The following SLC25A42 variants were observed in gnomAD, a reference collection of about 807,000 sequenced individuals.
SLC25A42 encodes the protein solute carrier family 25 member 42.
In SLC25A42, 19 loss-of-function variants were observed where a neutral mutation model predicts 34.7. The ratio of observed to expected loss-of-function variants is 0.55; its 90% CI spans 0.38 to 0.80. The LOEUF (loss-of-function observed/expected upper bound fraction) is 0.80, where lower values mean the gene tolerates loss of function less well. SLC25A42 is among the 30% of genes least tolerant of loss of function. The pLI is 0.00. For synonymous variants in SLC25A42, 205 were observed against 191.2 expected, an observed-to-expected ratio of 1.07 and a Z score of -0.59; for missense variants, 364 against 441.3, an observed-to-expected ratio of 0.82 and a Z score of 1.57.
chr19:19,086,946 T>C (rs1042386315), intron 1 of SLC25A42, among the ~76,000 whole-genome samples: 1 of 152,076 alleles, frequency 6.6e-6, no homozygotes, highest in Non-Finnish European at 1.5e-5. Flanking sequence ...AATATAAAAA[T>C]CATCCCATAT....
At chr19:19,110,344 C>CA (rs200137190) in intron 7 of SLC25A42, among the ~76,000 whole-genome samples, 10 of 150,440 alleles carry the variant, frequency 6.6e-5, no homozygotes, top group African/African-American at 1.7e-4. Flanking sequence ...ATTACATCTC[C>CA]AAAAAAAAAA....
chr19:19,090,319 T>C (rs78908522), intron 1 of SLC25A42, among the ~76,000 whole-genome samples: 2,927 of 152,202 alleles, frequency 0.019, 86 homozygotes, highest in African/African-American at 0.067. Flanking sequence ...AAAATATCTT[T>C]TTCTCACTCA....
intron 2 of SLC25A42, among the ~76,000 whole-genome samples, chr19:19,100,267 G>A (rs1240010808): frequency 3.3e-5 from 5 of 151,970 alleles, no homozygotes; most frequent in Non-Finnish European, 7.4e-5. Flanking sequence ...GCTTGAACCC[G>A]AGAGGCAAAG....
At chr19:19,101,621 C>G (rs1316197125) in intron 2 of SLC25A42, among the ~76,000 whole-genome samples, 160 bp from the exon 3 acceptor site, 1 of 152,172 alleles carries the variant, frequency 6.6e-6, no homozygotes, top group Non-Finnish European at 1.5e-5. Flanking sequence ...GCCTGTGGAC[C>G]CACCACAGAT....
chr19:19,080,709 G>A (rs1265251021), intron 1 of SLC25A42, among the ~76,000 whole-genome samples: 1 of 151,940 alleles, frequency 6.6e-6, no homozygotes, highest in Non-Finnish European at 1.5e-5. Flanking sequence ...GATTGCATGA[G>A]CTTAGTTTGA....
chr19:19,101,739 G>A (rs891174681), intron 2 of SLC25A42, 42 bp from the exon 3 acceptor site: 4 of 1,557,622 alleles, frequency 2.6e-6, no homozygotes, highest in Admixed American at 1.8e-5. Context: ...CTGCGGAGCC[G>A]CCCCCCTGCC....
At chr19:19,095,448 T>C (rs1016036167) in intron 1 of SLC25A42, among the ~76,000 whole-genome samples, 10 of 151,976 alleles carry the variant, frequency 6.6e-5, no homozygotes, top group Admixed American at 2.6e-4. Flanking sequence ...ACCCCATCTC[T>C]ACTAAAAATA....
chr19:19,082,294 C>T (rs899928329), intron 1 of SLC25A42, among the ~76,000 whole-genome samples: 1 of 152,196 alleles, frequency 6.6e-6, no homozygotes, highest in Non-Finnish European at 1.5e-5. Context: ...CCCCCAGGGC[C>T]TCTCCCTCCA....
rs1491541970 is a variant in SLC25A42, at chr19:19,080,922, TTA to T, written c.-34-15168_-34-15167del. On this transcript the variant is annotated intron_variant, in intron 1 of 7. Coordinates refer to ENST00000318596, the MANE Select transcript of SLC25A42 (RefSeq NM_178526.5). The stretch of plus-strand genomic sequence containing the variant: ...GCAACAGAGAGAGACCCTATAAAAT[TTA>T]AAAAAAAAAAAAAAAAAGAGGGAGG... 9.3e-5 allele frequency among the ~76,000 whole-genome samples: 12 copies of T among 128,418 alleles called. 1 individual carries two copies. The highest frequency in any genetic ancestry group is 1.5e-4 in the African/African-American group (5 of 33,708). 84.2% of individuals were successfully genotyped at this position (128,418 alleles called of 152,430 possible). A position where few individuals can be genotyped will look rare whatever the true frequency, so the allele number is the denominator to read the frequency against.
Position 19,105,558 on chromosome 19 carries a change from C to G in SLC25A42, c.214-3C>G. On this transcript the variant is annotated splice_polypyrimidine_tract_variant and splice_region_variant and intron_variant, in intron 4 of 7. Coordinates refer to ENST00000318596, the MANE Select transcript of SLC25A42 (RefSeq NM_178526.5). ...GGATGTTGACCTTCCCGCTTATCTC[C>G]AGGAGGCCTTCCGGGTCCTCTACTA... 1 of 1,610,170 alleles carries G rather than the reference C, an allele frequency of 6.2e-7. No individual in the cohort carries two copies. Among genetic ancestry groups the G allele is most frequent in the Non-Finnish European group, 8.5e-7 (1 of 1,177,106 alleles).
chr19:19,105,824 C>T (rs1222134461), intron 5 of SLC25A42, 97 bp downstream of exon 5: 8 of 1,092,764 alleles, frequency 7.3e-6, no homozygotes, highest in African/African-American at 1.7e-5. Flanking sequence ...TCGTGCCTTG[C>T]CCCTAGCCCT....
intron 1 of SLC25A42, 134 bp from the exon 2 acceptor site, chr19:19,095,957 C>T (rs1379242362): frequency 4.2e-6 from 3 of 709,838 alleles, no homozygotes; most frequent in Non-Finnish European, 7.8e-6. Context: ...CACACAGGAC[C>T]GTGGCTGCGG....
intron 1 of SLC25A42, among the ~76,000 whole-genome samples, chr19:19,085,922 C>T (rs889423710): frequency 6.6e-6 from 1 of 152,210 alleles, no homozygotes; most frequent in African/African-American, 2.4e-5. Flanking sequence ...AAAACCAGGG[C>T]TGCCAGCGCC....
chr19:19,110,528 C>G (rs1473787134), intron 7 of SLC25A42, 41 bp from the exon 8 acceptor site: 7 of 1,372,606 alleles, frequency 5.1e-6, no homozygotes, highest in Non-Finnish European at 6.5e-6. Flanking sequence ...TGCGCGCCCC[C>G]TCGCGGCGCC....
chr19:19,096,584 C>T (rs1436823276), intron 2 of SLC25A42, among the ~76,000 whole-genome samples: 1 of 152,058 alleles, frequency 6.6e-6, no homozygotes, highest in Non-Finnish European at 1.5e-5. Flanking sequence ...GGGTGGGAAG[C>T]CTGAGGTATC....
chr19:19,089,727 C>T (rs1475124304), intron 1 of SLC25A42, among the ~76,000 whole-genome samples: 27 of 150,924 alleles, frequency 1.8e-4, no homozygotes, highest in African/African-American at 7.3e-5. Context: ...AAATTAGCTG[C>T]GCATGGCAGC....
At chr19:19,093,032 A>G (rs755733182) in intron 1 of SLC25A42, among the ~76,000 whole-genome samples, 9 of 151,878 alleles carry the variant, frequency 5.9e-5, no homozygotes, top group Non-Finnish European at 1.3e-4. Flanking sequence ...GTTTATTTTT[A>G]TTTTTTGAGA....
At chr19:19,094,920 C>T (rs1485905287) in intron 1 of SLC25A42, among the ~76,000 whole-genome samples, 1 of 151,932 alleles carries the variant, frequency 6.6e-6, no homozygotes, top group Non-Finnish European at 1.5e-5. Context: ...CCCAGTCGGA[C>T]GCGGTGGCTC....
intron 1 of SLC25A42, among the ~76,000 whole-genome samples, chr19:19,064,810 A>G (rs879317553): frequency 1.3e-5 from 2 of 151,520 alleles, no homozygotes; most frequent in African/African-American, 2.4e-5. Context: ...AGGTCCTCCA[A>G]TAGTCCCCCA....
Sources: allele counts gnomAD v4.1 joint callset (sites outside exome capture counted in the v4.1 genomes callset), GRCh38; gene constraint gnomAD v4.1.1; transcripts MANE v1.5; gene names NCBI Gene and HGNC (gene_info 2026-07-23, HGNC 2026-07-21).